NLRP5: variants seen among roughly 807,000 people sequenced by gnomAD.
NLRP5 encodes the protein NACHT, LRR and PYD domains-containing protein 5.
A neutral mutation model predicts 113.1 loss-of-function variants in NLRP5; 93 were observed. That is an observed-to-expected ratio of 0.82 (90% CI 0.70 to 0.98). The LOEUF (loss-of-function observed/expected upper bound fraction) is 0.98, where lower values mean the gene tolerates loss of function less well. NLRP5 is among the 50% of genes least tolerant of loss of function. NLRP5 has a pLI of 0.00. For missense variants in NLRP5, 1,808 were observed against 1,514.3 expected, an observed-to-expected ratio of 1.19 and a Z score of -3.22; for synonymous variants, 751 against 600.7, an observed-to-expected ratio of 1.25 and a Z score of -3.66.
chr19:56,035,507 G>T (rs760622851), intron 9 of NLRP5, among the ~76,000 whole-genome samples: 48 of 152,206 alleles, frequency 3.2e-4, no homozygotes, highest in Admixed American at 3.0e-3. Context: ...GAGAGCTGGA[G>T]CTTAGATTCA....
chr19:55,986,878 A>G, the NLRP5 span, among the ~76,000 whole-genome samples: 1 of 152,116 alleles, frequency 6.6e-6, no homozygotes, highest in Admixed American at 6.5e-5. Flanking sequence ...TCCACTGCTG[A>G]TTAGAACCCG....
chr19:56,014,954 G>A (rs1982348436), intron 3 of NLRP5, among the ~76,000 whole-genome samples: 1 of 152,132 alleles, frequency 6.6e-6, no homozygotes, highest in Non-Finnish European at 1.5e-5. Flanking sequence ...AAAGGTAGCT[G>A]GGATTTTGAT....
At chr19:56,055,657 T>C (rs945133041) in intron 13 of NLRP5, among the ~76,000 whole-genome samples, 1 of 146,274 alleles carries the variant, frequency 6.8e-6, no homozygotes, top group African/African-American at 2.5e-5. Context: ...CCCATTCTCC[T>C]GCCTCAGCCT....
intron 14 of NLRP5, among the ~76,000 whole-genome samples, chr19:56,059,620 C>G (rs142199703): frequency 1.3e-5 from 2 of 152,162 alleles, no homozygotes; most frequent in Admixed American, 6.5e-5. Context: ...CTGCAACCTC[C>G]GTCTCGCAGG....
chr19:56,034,328 G>A (rs1307466924), intron 9 of NLRP5, among the ~76,000 whole-genome samples: 1 of 152,206 alleles, frequency 6.6e-6, no homozygotes, highest in Non-Finnish European at 1.5e-5. Context: ...GGAGGTTGCA[G>A]TGAGCTGAGA....
At chr19:56,050,202 T>C (rs1444138841) in intron 11 of NLRP5, among the ~76,000 whole-genome samples, 1 of 149,948 alleles carries the variant, frequency 6.7e-6, no homozygotes, top group Non-Finnish European at 1.5e-5. Context: ...ATCTCTTGTG[T>C]CCAGGAGGCA....
At chr19:56,012,979 T>G (rs965755669) in intron 3 of NLRP5, among the ~76,000 whole-genome samples, 4 of 152,154 alleles carry the variant, frequency 2.6e-5, no homozygotes, top group African/African-American at 9.7e-5. Flanking sequence ...ATTAACAAAG[T>G]TGTGTAACCA....
chr19:56,035,607 G>C (rs1453895710), intron 9 of NLRP5, among the ~76,000 whole-genome samples: 7 of 152,232 alleles, frequency 4.6e-5, no homozygotes, highest in Non-Finnish European at 1.0e-4. Flanking sequence ...CTTAGGTCCA[G>C]TTTCCTGGAA....
rs2123306077 is a variant in NLRP5 at position 56,028,053 on chromosome 19, T to C, written c.1820T>C (p.Leu607Pro). The change falls in exon 7 of 15, where the codon CTC becomes CCC. Residue 607 changes from leucine to proline, a missense_variant. Transcript: ENST00000390649. The stretch of plus-strand genomic sequence containing the variant: ...GAGGGCCTGGAAATCGAGCCAGCTC[T>C]CTGCCCTCTGTACGTTGAGAAGACA... The C allele has an allele frequency of 6.2e-7, 1 of 1,614,026 alleles. No individual in the cohort carries two copies. The highest frequency in any genetic ancestry group is 2.2e-5 in the East Asian group (1 of 44,888).
chr19:56,007,871 G>GTGTT (rs1287035810), intron 2 of NLRP5, among the ~76,000 whole-genome samples: 2 of 98,230 alleles, frequency 2.0e-5, no homozygotes, highest in Non-Finnish European at 4.5e-5. Context: ...AAGACAGTTT[G>GTGTT]TGTGTGTGTG....
intron 1 of NLRP5, among the ~76,000 whole-genome samples, chr19:56,001,480 C>T (rs1489515914): frequency 6.6e-6 from 1 of 151,992 alleles, no homozygotes; most frequent in Non-Finnish European, 1.5e-5. Flanking sequence ...TTCTGACTCT[C>T]CTAATTACTT....
At chr19:56,045,402 G>C (rs10416484) in intron 11 of NLRP5, among the ~76,000 whole-genome samples, 55,898 of 152,004 alleles carry the variant, frequency 0.37, 10,726 homozygotes, top group Non-Finnish European at 0.43. Flanking sequence ...GATGGGATTG[G>C]AGCTAGTTTT....
upstream of NLRP5, chr19:55,999,653 G>C (rs878876125): frequency 1.2e-5 from 13 of 1,123,232 alleles, no homozygotes; most frequent in South Asian, 1.4e-4. Context: ...TGAAGAGGCA[G>C]GTACTCTGAT....
intron 5 of NLRP5, 125 bp downstream of exon 5, chr19:56,019,523 G>C: frequency 2.8e-6 from 3 of 1,077,146 alleles, no homozygotes; most frequent in Non-Finnish European, 4.1e-6. Flanking sequence ...ATTTGTCTCT[G>C]GTGTCAACCC....
chr19:56,038,178 C>T lies in NLRP5; in HGVS notation c.2769C>T (p.Cys923=), dbSNP rs751725249. The T allele has an allele frequency of 6.2e-6, 10 of 1,613,620 alleles. No individual in the cohort carries two copies. Among genetic ancestry groups the T allele is most frequent in the Middle Eastern group, 3.3e-4 (2 of 6,084 alleles). ...GTGATGCCTTGAGAGTCTCCCAGTG[C>T]GCCCTGCAGAAGCTGATGTGAGTGC... Residue 923 remains cysteine, a synonymous_variant, in exon 10 of 15, where the codon TGC becomes TGT. Transcript: ENST00000390649.
rs1048285128 is a variant in NLRP5, at chr19:56,020,553, T to A, written c.679+122T>A. Reference sequence around the variant, plus strand: ...TTGCCTTTCTTCAATCTCATTTGTCTCTGGTGTCAACCCCTTCCCTTCAAG... The same window carrying A: ...TTGCCTTTCTTCAATCTCATTTGTCACTGGTGTCAACCCCTTCCCTTCAAG... On this transcript the variant is annotated intron_variant, in intron 6 of 14. Coordinates refer to ENST00000390649, the MANE Select transcript of NLRP5 (RefSeq NM_153447.4). 2.6e-6 allele frequency: 3 copies of A among 1,155,584 alleles called. No homozygotes were observed. The African/African-American group carries it at 4.6e-5, about 18-fold the overall frequency. 71.6% of individuals were successfully genotyped at this position (1,155,584 alleles called of 1,614,324 possible).
chr19:55,999,569 G>A (rs1009120435), upstream of NLRP5, among the ~76,000 whole-genome samples: 1 of 152,006 alleles, frequency 6.6e-6, no homozygotes, highest in African/African-American at 2.4e-5. Flanking sequence ...GGTGTTCAGG[G>A]TTCCCATGCA....
At chr19:56,019,189 A>C in intron 4 of NLRP5, 153 bp from the exon 5 acceptor site, 1 of 770,496 alleles carries the variant, frequency 1.3e-6, no homozygotes, top group Admixed American at 2.4e-5. Context: ...TCATTGTACC[A>C]GTGCACTCTG....
chr19:56,017,444 C>T (rs957329480), intron 4 of NLRP5, among the ~76,000 whole-genome samples: 1 of 152,106 alleles, frequency 6.6e-6, no homozygotes, highest in Non-Finnish European at 1.5e-5. Flanking sequence ...ATGCACGGCT[C>T]TACCTACACG....
Sources: gnomAD v4.1 joint callset for allele counts (sites outside exome capture counted in the v4.1 genomes callset) on GRCh38, gnomAD v4.1.1 for gene constraint, MANE v1.5 for transcripts, NCBI Gene and HGNC (gene_info 2026-07-23, HGNC 2026-07-21) for gene names.